METTL16: variants seen among roughly 807,000 people sequenced by gnomAD.
The protein encoded by METTL16 is RNA N(6)-adenosine-methyltransferase METTL16.
METTL16 carries 19 observed loss-of-function variants against 57.9 expected under a neutral mutation model. The ratio of observed to expected loss-of-function variants is 0.33; its 90% CI spans 0.23 to 0.48. The LOEUF (loss-of-function observed/expected upper bound fraction) is 0.48, where lower values mean the gene tolerates loss of function less well. Ranked by LOEUF, METTL16 falls within the 20% of genes least tolerant of loss-of-function variation. The probability of loss-of-function intolerance (pLI) is 0.99; values close to 1 mark genes in which losing one functional copy is unlikely to be tolerated. For synonymous variants in METTL16, 246 were observed against 255.6 expected (o/e 0.96, Z 0.36); for missense variants, 434 against 691.5 (o/e 0.63, Z 4.18).
chr17:2,427,101 G>A (rs1419145633), intron 8 of METTL16, among the ~76,000 whole-genome samples: 8 of 152,148 alleles, frequency 5.3e-5, no homozygotes, highest in Non-Finnish European at 4.4e-5. Context: ...AGCCGACATC[G>A]TGCCACAGCA....
chr17:2,430,479 G>C (rs1239608470), intron 8 of METTL16, among the ~76,000 whole-genome samples: 2 of 145,198 alleles, frequency 1.4e-5, no homozygotes, highest in Non-Finnish European at 3.0e-5. Flanking sequence ...GCAGTGGCGG[G>C]ATCTCGGCTC....
chr17:2,448,238 A>AGGATGGTGGGGG (rs1555617204), intron 6 of METTL16, among the ~76,000 whole-genome samples: 23 of 148,414 alleles, frequency 1.5e-4, no homozygotes, highest in Admixed American at 4.1e-4. Context: ...CCCGTCTGGG[A>AGGATGGTGGGGG]GGTGTGCCCA....
rs1271265738 is a variant in METTL16, at chr17:2,419,658, A to G, written c.*312T>C. The G allele has an allele frequency of 1.8e-6, 1 of 553,472 alleles. No individual in the cohort carries two copies. The highest frequency in any genetic ancestry group is 1.9e-5 in the African/African-American group (1 of 53,884). The allele number at this position is 553,472 out of a possible 1,614,324, so 34.3% of individuals were successfully genotyped here. The stretch of plus-strand genomic sequence containing the variant: ...CCAGACTCCACAAACAACCCTTCTG[A>G]CCTTGCAGAGGCAGTCCAGAGCTGA... On this transcript the variant is annotated 3_prime_UTR_variant, in exon 10 of 10. Transcript: ENST00000263092.
intron 6 of METTL16, among the ~76,000 whole-genome samples, chr17:2,450,883 T>G (rs1464401377): frequency 6.6e-6 from 1 of 152,154 alleles, no homozygotes; most frequent in Non-Finnish European, 1.5e-5. Context: ...AATTTAAATT[T>G]CAAGAAATTT....
At chr17:2,433,289 C>T (rs771297009) in intron 8 of METTL16, among the ~76,000 whole-genome samples, 36 of 152,160 alleles carry the variant, frequency 2.4e-4, no homozygotes, top group Non-Finnish European at 4.6e-4. Flanking sequence ...GCTGTGGAGA[C>T]AGTACAGTCA....
At chr17:2,448,476 T>C (rs370183921) in intron 6 of METTL16, among the ~76,000 whole-genome samples, 1 of 46,974 alleles carries the variant, frequency 2.1e-5, no homozygotes, top group Non-Finnish European at 3.9e-5. Flanking sequence ...ACATGTGCTG[T>C]GTCCACTCAG....
chr17:2,467,726 T>A (rs753120409), intron 5 of METTL16, 35 bp downstream of exon 5: 4 of 1,542,330 alleles, frequency 2.6e-6, no homozygotes, highest in Non-Finnish European at 3.6e-6. Context: ...GCGCCCAGCC[T>A]ATATTCAATT....
At chr17:2,424,503 C>T (rs2066800838) in intron 8 of METTL16, 1 of 152,340 alleles carries the variant, frequency 6.6e-6, no homozygotes, top group Non-Finnish European at 1.5e-5. Flanking sequence ...CCATCTGCCT[C>T]AGCCTCCCAA....
At position 2,438,125 on chromosome 17, in the gene METTL16, T is replaced by C; in HGVS notation, c.872A>G (p.Asp291Gly). The change falls in exon 8 of 10, where the codon GAT becomes GGT. Residue 291 changes from aspartate to glycine, a missense_variant. Asp to Gly is a moderately conservative substitution (Grantham distance 94). Coordinates refer to ENST00000263092, the MANE Select transcript of METTL16 (RefSeq NM_024086.4). ...TGTACTTACTGGTACTGTGACATCA[T>C]CATAAAAACTCCAAGCTAAGGCCCA... Reference protein sequence around the residue: ...MRWALAWSFYDDVTVPSPPSK... With the variant: ...MRWALAWSFYGDVTVPSPPSK... 1.2e-6 allele frequency: 2 copies of C among 1,613,322 alleles called. No individual in the cohort carries two copies. The highest frequency in any genetic ancestry group is 1.7e-6 in the Non-Finnish European group (2 of 1,179,362).
chr17:2,441,675 C>G, intron 6 of METTL16, 116 bp from the exon 7 acceptor site: 1 of 533,490 alleles, frequency 1.9e-6, no homozygotes, highest in Non-Finnish European at 3.1e-6. Context: ...AGTAAGGTCA[C>G]AAGTGAAAAA....
intron 7 of METTL16, 127 bp downstream of exon 7, chr17:2,441,363 C>T (rs937355958): frequency 1.0e-5 from 6 of 586,748 alleles, no homozygotes; most frequent in Admixed American, 4.1e-5. Flanking sequence ...TGAATTGTTC[C>T]GGTGACAGTT....
intron 1 of METTL16, among the ~76,000 whole-genome samples, chr17:2,507,250 G>A (rs1207105292): frequency 6.8e-6 from 1 of 148,010 alleles, no homozygotes; most frequent in Non-Finnish European, 1.5e-5. Flanking sequence ...GAGGTGAGGG[G>A]CGCCTCTGCC....
chr17:2,498,163 C>T (rs1256018888), intron 2 of METTL16, among the ~76,000 whole-genome samples: 1 of 150,400 alleles, frequency 6.6e-6, no homozygotes, highest in Non-Finnish European at 1.5e-5. Flanking sequence ...CACTGCACTC[C>T]AGCCTGGGCG....
intron 8 of METTL16, among the ~76,000 whole-genome samples, chr17:2,421,407 T>C (rs2066764587): frequency 6.6e-6 from 1 of 152,150 alleles, no homozygotes; most frequent in African/African-American, 2.4e-5. Flanking sequence ...CAAGATAGTT[T>C]AGGCATCTCC....
intron 6 of METTL16, among the ~76,000 whole-genome samples, chr17:2,445,262 C>T (rs1052491666): frequency 1.3e-5 from 2 of 152,078 alleles, no homozygotes; most frequent in African/African-American, 4.8e-5. Flanking sequence ...GCTGTACATG[C>T]CGTACAGGTT....
At chr17:2,476,270 C>T (rs986680310) in intron 3 of METTL16, among the ~76,000 whole-genome samples, 2 of 152,008 alleles carry the variant, frequency 1.3e-5, no homozygotes, top group Admixed American at 1.3e-4. Flanking sequence ...GATTGGAGGT[C>T]AAGGAAAGTA....
At chr17:2,427,477 T>C (rs1656781721) in intron 8 of METTL16, among the ~76,000 whole-genome samples, 2 of 152,292 alleles carry the variant, frequency 1.3e-5, no homozygotes, top group South Asian at 4.1e-4. Flanking sequence ...AAAAGAATTG[T>C]AAAAGTAAAA....
At chr17:2,447,130 A>G (rs2067003923) in intron 6 of METTL16, among the ~76,000 whole-genome samples, 1 of 136,260 alleles carries the variant, frequency 7.3e-6, no homozygotes, top group Non-Finnish European at 1.5e-5. Flanking sequence ...CCATCTAGGA[A>G]GCGAGGAGCG....
intron 8 of METTL16, among the ~76,000 whole-genome samples, chr17:2,421,807 A>T (rs1001138993): frequency 2.6e-5 from 4 of 152,164 alleles, no homozygotes; most frequent in Admixed American, 2.6e-4. Context: ...GCAGAGGAGG[A>T]GGACTCCTGA....
Sources: allele counts gnomAD v4.1 joint callset (sites outside exome capture counted in the v4.1 genomes callset), GRCh38; gene constraint gnomAD v4.1.1; transcripts MANE v1.5; gene names NCBI Gene and HGNC (gene_info 2026-07-23, HGNC 2026-07-21).